Variants in SERPINI1 observed in about 807,000 individuals in gnomAD.
SERPINI1 encodes the protein serpin family I member 1.
Under a neutral mutation model 41.1 loss-of-function variants are expected in SERPINI1, and 19 were observed. That is an observed-to-expected ratio of 0.46 (90% CI 0.32 to 0.68). The LOEUF is 0.68. SERPINI1 is among the 30% of genes least tolerant of loss of function. The pLI, the probability that SERPINI1 is intolerant of heterozygous loss-of-function variation, is 0.03. For missense variants in SERPINI1, 460 were observed against 479.2 expected (o/e 0.96, Z 0.37); for synonymous variants, 138 against 156.6 (o/e 0.88, Z 0.89).
At chr3:167,775,312 A>G (rs1326996151) in intron 1 of SERPINI1, among the ~76,000 whole-genome samples, 1 of 150,052 alleles carries the variant, frequency 6.7e-6, no homozygotes, top group East Asian at 1.9e-4. Flanking sequence ...CCCAGGCTGC[A>G]GTGCAGTGGC....
At chr3:167,752,000 T>C (rs1443974930) in intron 1 of SERPINI1, among the ~76,000 whole-genome samples, 1 of 152,142 alleles carries the variant, frequency 6.6e-6, no homozygotes, top group African/African-American at 2.4e-5. Context: ...ATGGGGAAAA[T>C]GTTTTTCAAG....
chr3:167,751,642 A>G (rs950572487), intron 1 of SERPINI1, among the ~76,000 whole-genome samples: 3 of 152,170 alleles, frequency 2.0e-5, no homozygotes, highest in Admixed American at 2.0e-4. Context: ...TATCGACACA[A>G]ATGGTGATGG....
At chr3:167,791,370 C>A (rs1727501157) in intron 3 of SERPINI1, among the ~76,000 whole-genome samples, 1 of 152,072 alleles carries the variant, frequency 6.6e-6, no homozygotes, top group African/African-American at 2.4e-5. Context: ...TAACCCTGAA[C>A]AGATACTCAA....
chr3:167,744,220 T>A (rs949103387), intron 1 of SERPINI1, among the ~76,000 whole-genome samples: 1 of 152,160 alleles, frequency 6.6e-6, no homozygotes, highest in Non-Finnish European at 1.5e-5. Context: ...TTTTGTGATA[T>A]GTAACTTTAC....
chr3:167,771,170 A>G (rs749133325), intron 1 of SERPINI1, among the ~76,000 whole-genome samples: 1 of 152,200 alleles, frequency 6.6e-6, no homozygotes, highest in Non-Finnish European at 1.5e-5. Flanking sequence ...TTAACTTCTC[A>G]GAATTTATCC....
At chr3:167,817,208 A>T (rs150996005) in intron 6 of SERPINI1, among the ~76,000 whole-genome samples, 2 of 152,196 alleles carry the variant, frequency 1.3e-5, no homozygotes, top group Admixed American at 6.5e-5. Flanking sequence ...ATTGAAATTC[A>T]TTCAAAAAGA....
chr3:167,824,714 C>G (rs1712456514), intron 8 of SERPINI1, 152 bp downstream of exon 8: 1 of 604,074 alleles, frequency 1.7e-6, no homozygotes, highest in African/African-American at 1.9e-5. Flanking sequence ...ACTGAATTAT[C>G]AGATAGTTTA....
intron 1 of SERPINI1, 139 bp downstream of exon 1, chr3:167,735,962 C>T (rs1188149244): frequency 6.6e-6 from 1 of 152,230 alleles, no homozygotes; most frequent in Non-Finnish European, 1.5e-5. Context: ...GAAAGATTTA[C>T]ATTTTTCGAC....
chr3:167,769,682 T>C (rs966251011), intron 1 of SERPINI1, among the ~76,000 whole-genome samples: 37 of 152,180 alleles, frequency 2.4e-4, no homozygotes, highest in African/African-American at 8.7e-4. Flanking sequence ...AGAGTCATTC[T>C]CTAATATTAA....
chr3:167,776,007 G>A (rs1726960448), intron 1 of SERPINI1, among the ~76,000 whole-genome samples: 1 of 152,142 alleles, frequency 6.6e-6, no homozygotes, highest in African/African-American at 2.4e-5. Flanking sequence ...AAAATGGGGG[G>A]AGGCCTTACC....
chr3:167,808,827 G>GT (rs1257424511), intron 6 of SERPINI1, among the ~76,000 whole-genome samples: 1 of 152,144 alleles, frequency 6.6e-6, no homozygotes, highest in Admixed American at 6.6e-5. Context: ...GAGAGAAACA[G>GT]TTTGGGGGGC....
At chr3:167,804,356 C>T (rs1711547991) in intron 5 of SERPINI1, among the ~76,000 whole-genome samples, 1 of 152,108 alleles carries the variant, frequency 6.6e-6, no homozygotes, top group South Asian at 2.1e-4. Context: ...AGAAATGATG[C>T]TAATGAAACT....
chr3:167,778,861 C>T (rs902265973), intron 1 of SERPINI1, among the ~76,000 whole-genome samples: 3 of 152,220 alleles, frequency 2.0e-5, no homozygotes, highest in Admixed American at 6.5e-5. Context: ...AAGCTAAATT[C>T]CTCTCATAGT....
intron 1 of SERPINI1, among the ~76,000 whole-genome samples, chr3:167,754,712 T>C (rs1470321409): frequency 6.6e-6 from 1 of 152,204 alleles, no homozygotes; most frequent in African/African-American, 2.4e-5. Context: ...CTGCATTATT[T>C]GGTTATAGCA....
intron 1 of SERPINI1, among the ~76,000 whole-genome samples, chr3:167,771,425 A>T (rs1215836748): frequency 1.3e-5 from 2 of 152,212 alleles, no homozygotes; most frequent in Non-Finnish European, 2.9e-5. Context: ...ATACGAATGT[A>T]TATTATGTTG....
intron 1 of SERPINI1, among the ~76,000 whole-genome samples, chr3:167,775,147 T>C (rs1245168979): frequency 8.0e-6 from 1 of 124,232 alleles, no homozygotes; most frequent in African/African-American, 3.6e-5. Flanking sequence ...TCTGTGTGAA[T>C]TTTAAGTGTG....
chr3:167,778,787 C>T (rs987294965), intron 1 of SERPINI1, among the ~76,000 whole-genome samples: 1 of 152,126 alleles, frequency 6.6e-6, no homozygotes, highest in Non-Finnish European at 1.5e-5. Context: ...CCATAATTCC[C>T]GAACAAGAAA....
intron 1 of SERPINI1, among the ~76,000 whole-genome samples, chr3:167,786,858 C>T (rs1560007813): frequency 6.6e-6 from 1 of 152,116 alleles, no homozygotes; most frequent in Non-Finnish European, 1.5e-5. Context: ...TCCTAGGCTT[C>T]ATATTCACTT....
intron 4 of SERPINI1, among the ~76,000 whole-genome samples, chr3:167,793,190 T>C (rs1727586942): frequency 6.6e-6 from 1 of 152,148 alleles, no homozygotes; most frequent in South Asian, 2.1e-4. Flanking sequence ...TTAAAAAAAT[T>C]TGATTTTAGA....
Sources: allele counts gnomAD v4.1 joint callset (sites outside exome capture counted in the v4.1 genomes callset), GRCh38; gene constraint gnomAD v4.1.1; transcripts MANE v1.5; gene names NCBI Gene and HGNC (gene_info 2026-07-23, HGNC 2026-07-21).